BANP: variants seen among roughly 807,000 people sequenced by gnomAD.
BANP encodes the protein BTG3 associated nuclear protein.
A neutral mutation model predicts 68.1 loss-of-function variants in BANP; 11 were observed. That is an observed-to-expected ratio of 0.16 (90% confidence interval 0.10 to 0.27). The LOEUF (loss-of-function observed/expected upper bound fraction) is 0.27. BANP is among the 10% of genes least tolerant of loss of function. The probability of loss-of-function intolerance (pLI) is 1.00; values close to 1 mark genes in which losing one functional copy is unlikely to be tolerated. For missense variants in BANP, 504 were observed against 722.7 expected (o/e 0.70, Z 3.47); for synonymous variants, 329 against 303.2 (o/e 1.09, Z -0.88).
intron 1 of BANP, among the ~76,000 whole-genome samples, chr16:87,974,419 C>G (rs2145746684): frequency 6.6e-6 from 1 of 152,304 alleles, no homozygotes; most frequent in South Asian, 2.1e-4. Context: ...ATGGTTCCTC[C>G]TTGGTCATGG....
At chr16:87,961,199 G>A (rs1287245010) in intron 1 of BANP, among the ~76,000 whole-genome samples, 1 of 152,214 alleles carries the variant, frequency 6.6e-6, no homozygotes, top group East Asian at 1.9e-4. Flanking sequence ...AGCCTTTAAG[G>A]AAAAATAAAA....
intron 11 of BANP, among the ~76,000 whole-genome samples, chr16:88,059,773 C>T (rs1047167567): frequency 3.3e-5 from 5 of 152,238 alleles, no homozygotes; most frequent in African/African-American, 1.2e-4. Context: ...CACTGTCGGA[C>T]GCGACACATG....
At chr16:88,043,383 C>T (rs1334986718) in intron 11 of BANP, among the ~76,000 whole-genome samples, 1 of 152,164 alleles carries the variant, frequency 6.6e-6, no homozygotes, top group Non-Finnish European at 1.5e-5. Context: ...ATGGCTCCTT[C>T]GTCAGCTGAC....
intron 9 of BANP, among the ~76,000 whole-genome samples, chr16:88,034,472 A>AT (rs56731455): frequency 0.5 from 75,261 of 151,898 alleles, 19,348 homozygotes; most frequent in Middle Eastern, 0.59. Context: ...GGATTCTTTG[A>AT]TTTTTTTTGA....
intron 6 of BANP, among the ~76,000 whole-genome samples, chr16:88,013,093 A>G (rs921117546): frequency 6.6e-6 from 1 of 152,260 alleles, no homozygotes; most frequent in African/African-American, 2.4e-5. Context: ...CTAGGAAGAG[A>G]CACTAGAAAT....
At chr16:88,007,195 C>G (rs1390084145) in intron 6 of BANP, among the ~76,000 whole-genome samples, 1 of 152,134 alleles carries the variant, frequency 6.6e-6, no homozygotes, top group Admixed American at 6.5e-5. Context: ...CCAGGGATGG[C>G]CCCCTCTAAC....
At chr16:88,038,718 C>T in intron 11 of BANP, among the ~76,000 whole-genome samples, 1 of 152,106 alleles carries the variant, frequency 6.6e-6, no homozygotes, top group East Asian at 1.9e-4. Flanking sequence ...GAGGGTGTTG[C>T]TGTGCAGGAC....
At chr16:88,031,748 T>C (rs1184162932) in intron 8 of BANP, among the ~76,000 whole-genome samples, 1 of 152,044 alleles carries the variant, frequency 6.6e-6, no homozygotes, top group Non-Finnish European at 1.5e-5. Flanking sequence ...CCATTAGCTA[T>C]TGGTAAAAAA....
chr16:88,038,006 G>A lies in BANP; in HGVS notation c.1306G>A (p.Gly436Ser), dbSNP rs1466957229. 10 of 1,613,856 alleles carry A rather than the reference G, an allele frequency of 6.2e-6. No individual in the cohort carries two copies. Among genetic ancestry groups the A allele is most frequent in the South Asian group, 1.1e-5 (1 of 91,080 alleles). Residue 436 changes from glycine (G) to serine (S), a missense_variant, in exon 11 of 14, where the codon GGT (glycine) becomes AGT (serine). Gly to Ser is a moderately conservative substitution (Grantham distance 56). This residue lies in a region of BANP where 223 missense variants were observed against 246.2 expected (regional missense o/e 0.91). Coordinates refer to ENST00000682872, the MANE Select transcript of BANP (RefSeq NM_001386991.1). ...NLQIHHVGQDGQLLEATRIPC... is the reference protein window; with the variant it reads ...NLQIHHVGQDSQLLEATRIPC... ...CCAGATCCATCACGTGGGGCAGGAC[G>A]GTCAGGTGAGTGTCCCAGTCCCCAT...
At chr16:87,998,404 C>CTCTGCGTGGGCTGCTGTCTGTGCCA (rs1288672184) in intron 4 of BANP, among the ~76,000 whole-genome samples, 5 of 152,256 alleles carry the variant, frequency 3.3e-5, no homozygotes, top group South Asian at 2.1e-4. Context: ...TTAATAGCTT[C>CTCTGCGTGGGCTGCTGTCTGTGCCA]TCTGCGTGGG....
intron 11 of BANP, among the ~76,000 whole-genome samples, chr16:88,047,146 G>A (rs1471425233): frequency 6.6e-6 from 1 of 152,182 alleles, no homozygotes; most frequent in East Asian, 1.9e-4. Context: ...GGTCCTGGGT[G>A]GGAGGTGGCA....
chr16:88,034,406 T>C (rs4843777), intron 9 of BANP, among the ~76,000 whole-genome samples: 108,180 of 152,160 alleles, frequency 0.71, 42,124 homozygotes, highest in East Asian at 0.88. Context: ...ATAAGGAGTA[T>C]TCGTTTCATT....
Position 88,018,292 on chromosome 16 carries a change from C to G in BANP, c.656-136C>G. On this transcript the variant is annotated intron_variant, in intron 6 of 13. Coordinates refer to ENST00000682872, the MANE Select transcript of BANP (RefSeq NM_001386991.1). The surrounding 1 kb of genome is among the most constrained non-coding windows in gnomAD (Gnocchi z 7.7). ...AGGCTCCAGCGCTCTTGGTGACTGC[C>G]TCACAAGTTACGAGGGATTTGCCCA... 8.7e-7 allele frequency: 1 copy of G among 1,155,600 alleles called. No individual in the cohort carries two copies. Among genetic ancestry groups the G allele is most frequent in the Non-Finnish European group, 1.2e-6 (1 of 819,966 alleles). 71.6% of individuals were successfully genotyped at this position (1,155,600 alleles called of 1,614,324 possible).
At chr16:87,989,949 C>CGGGGG (rs2065505048) in intron 4 of BANP, among the ~76,000 whole-genome samples, 2 of 141,270 alleles carry the variant, frequency 1.4e-5, no homozygotes, top group Admixed American at 7.1e-5. Flanking sequence ...GGGCGGGCGA[C>CGGGGG]AGGGGATGCA....
intron 11 of BANP, among the ~76,000 whole-genome samples, chr16:88,045,530 C>T (rs1411373917): frequency 2.0e-5 from 3 of 152,164 alleles, no homozygotes; most frequent in Non-Finnish European, 2.9e-5. Flanking sequence ...CAGCACCTGT[C>T]GAACATAACA....
intron 11 of BANP, among the ~76,000 whole-genome samples, chr16:88,040,380 C>G (rs2080456593): frequency 1.3e-5 from 2 of 151,996 alleles, no homozygotes; most frequent in East Asian, 3.9e-4. Context: ...TCAGAAAGCA[C>G]AGAGAAGCCC....
At chr16:88,021,477 C>T (rs542538022) in intron 7 of BANP, among the ~76,000 whole-genome samples, 1 of 152,258 alleles carries the variant, frequency 6.6e-6, no homozygotes, top group East Asian at 1.9e-4. Flanking sequence ...TCCACAGGGC[C>T]GTGTGGAGGG....
intron 7 of BANP, among the ~76,000 whole-genome samples, chr16:88,022,455 G>C (rs915097796): frequency 2.6e-5 from 4 of 152,222 alleles, no homozygotes; most frequent in Non-Finnish European, 5.9e-5. Context: ...TTTCAGGGTT[G>C]ACCTGTCAGA....
intron 6 of BANP, among the ~76,000 whole-genome samples, chr16:88,012,502 C>T (rs1484900096): frequency 2.0e-5 from 3 of 152,192 alleles, no homozygotes; most frequent in African/African-American, 4.8e-5. Context: ...TCTGAACAAC[C>T]GTGCAGCCCA....
Sources: allele counts gnomAD v4.1 joint callset (sites outside exome capture counted in the v4.1 genomes callset), GRCh38; gene constraint gnomAD v4.1.1; regional missense constraint gnomAD v4.1.1; non-coding constraint Gnocchi (gnomAD v3.1); transcripts MANE v1.5; gene names NCBI Gene and HGNC (gene_info 2026-07-23, HGNC 2026-07-21).